The following ERBB4 variants were observed in gnomAD, a reference collection of about 807,000 sequenced individuals.
ERBB4 encodes receptor tyrosine-protein kinase erbB-4.
Under a neutral mutation model 158.0 loss-of-function variants are expected in ERBB4, and 42 were observed. The observed-to-expected ratio is 0.27, with a 90% CI of 0.21 to 0.34. The LOEUF (loss-of-function observed/expected upper bound fraction) is 0.34. ERBB4 is among the 10% of genes least tolerant of loss of function. The pLI, the probability that ERBB4 is intolerant of heterozygous loss-of-function variation, is 1.00. For synonymous variants in ERBB4, 583 were observed against 558.7 expected (o/e 1.04, Z -0.61); for missense variants, 1,333 against 1,624.1 (o/e 0.82, Z 3.08).
In ERBB4 at chr2:211,587,696, A is replaced by T. The variant is rs377276405; in HGVS notation, c.2302-25608T>A. On this transcript the variant is annotated intron_variant, in intron 19 of 27. Transcript: ENST00000342788. ...TTGTCACTTTTTAAATTGGAAGAAG[A>T]TCCTAAGATTTGATAATGACCTATC... Among the ~76,000 whole-genome samples, 363 of 152,316 alleles carry T rather than the reference A, an allele frequency of 2.4e-3. 7 individuals are homozygous for T. The South Asian group carries it at 0.045, about 19-fold the overall frequency.
chr2:211,929,976 T>C (rs2080129084), intron 3 of ERBB4, among the ~76,000 whole-genome samples: 1 of 152,212 alleles, frequency 6.6e-6, no homozygotes, highest in African/African-American at 2.4e-5. Flanking sequence ...TTTTGCTCAG[T>C]TCCAGGTATG....
intron 20 of ERBB4, among the ~76,000 whole-genome samples, chr2:211,517,832 A>G (rs2066079001): frequency 6.6e-6 from 1 of 152,176 alleles, no homozygotes; most frequent in Non-Finnish European, 1.5e-5. Context: ...TAGAGGAGGT[A>G]GATTTTATTT....
intron 3 of ERBB4, among the ~76,000 whole-genome samples, chr2:211,937,478 T>C (rs1270194678): frequency 6.6e-6 from 1 of 152,120 alleles, no homozygotes; most frequent in Non-Finnish European, 1.5e-5. Flanking sequence ...ATAGACTTTT[T>C]CTATTAGTCC....
Position 211,875,096 on chromosome 2 carries a change from G to GTT in ERBB4, c.421+72332_421+72333dup, listed in dbSNP as rs71054147. Among the ~76,000 whole-genome samples, 352 of 129,384 alleles carry GTT rather than the reference G, an allele frequency of 2.7e-3. 1 individual carries two copies. Among genetic ancestry groups the GTT allele is most frequent in the African/African-American group, 8.1e-3 (277 of 34,254 alleles). 84.9% of individuals were successfully genotyped at this position (129,384 alleles called of 152,430 possible). Reference sequence around the variant, plus strand: ...TTAATCTAAGGAACATGCAGATAACGTTTTTTTTTTTCCAAAGCAGACATA... The same window carrying GTT: ...TTAATCTAAGGAACATGCAGATAACGTTTTTTTTTTTTTCCAAAGCAGACATA... On this transcript the variant is annotated intron_variant, in intron 3 of 27. Coordinates refer to ENST00000342788, the MANE Select transcript of ERBB4 (RefSeq NM_005235.3).
intron 3 of ERBB4, among the ~76,000 whole-genome samples, chr2:211,944,713 C>T (rs1461078028): frequency 6.6e-6 from 1 of 151,734 alleles, no homozygotes; most frequent in Non-Finnish European, 1.5e-5. Flanking sequence ...TAGATCTTCT[C>T]AAATTGTAGT....
chr2:211,452,631 A>AACCTCT (rs2064278221), intron 20 of ERBB4, among the ~76,000 whole-genome samples: 2 of 152,212 alleles, frequency 1.3e-5, no homozygotes, highest in African/African-American at 2.4e-5. Context: ...CAACTATCTC[A>AACCTCT]ACCTCTATCA....
intron 20 of ERBB4, among the ~76,000 whole-genome samples, chr2:211,539,788 T>C (rs938379892): frequency 1.4e-4 from 22 of 152,006 alleles, no homozygotes; most frequent in African/African-American, 5.3e-4. Flanking sequence ...GGGAGGTTTT[T>C]TTATGTTCAT....
At chr2:211,480,776 G>A (rs2065063219) in intron 20 of ERBB4, among the ~76,000 whole-genome samples, 1 of 152,034 alleles carries the variant, frequency 6.6e-6, no homozygotes, top group East Asian at 1.9e-4. Context: ...GAAATGTTTT[G>A]TTTATCTCTG....
chr2:212,133,104 TTC>T (rs1406313336), intron 1 of ERBB4, among the ~76,000 whole-genome samples: 3 of 152,120 alleles, frequency 2.0e-5, no homozygotes, highest in African/African-American at 7.2e-5. Flanking sequence ...AATTTTTTGG[TTC>T]TGTTTCTCTG....
At chr2:211,972,455 A>C (rs2081482118) in intron 2 of ERBB4, among the ~76,000 whole-genome samples, 1 of 152,218 alleles carries the variant, frequency 6.6e-6, no homozygotes, top group African/African-American at 2.4e-5. Context: ...GGCAATCCTA[A>C]GCAAAAAGAA....
intron 2 of ERBB4, among the ~76,000 whole-genome samples, chr2:212,094,211 G>A (rs1404084420): frequency 6.6e-6 from 1 of 151,406 alleles, no homozygotes; most frequent in Non-Finnish European, 1.5e-5. Context: ...ATGAGTTCAT[G>A]TGAGATAAGG....
intron 1 of ERBB4, among the ~76,000 whole-genome samples, chr2:212,185,367 A>G (rs2081987886): frequency 6.6e-6 from 1 of 151,798 alleles, no homozygotes; most frequent in African/African-American, 2.4e-5. Flanking sequence ...AGACCTCAGA[A>G]AAAGAAAAAA....
At chr2:211,530,852 G>T (rs1283904249) in intron 20 of ERBB4, among the ~76,000 whole-genome samples, 1 of 152,080 alleles carries the variant, frequency 6.6e-6, no homozygotes, top group East Asian at 1.9e-4. Flanking sequence ...TCATGCCACT[G>T]TACTCAGCCT....
intron 1 of ERBB4, among the ~76,000 whole-genome samples, chr2:212,284,064 G>A (rs17346615): frequency 0.043 from 6,558 of 152,054 alleles, 209 homozygotes; most frequent in Non-Finnish European, 0.061. Context: ...ACTATGTGAA[G>A]AGAATGCTAT....
chr2:212,248,596 G>A (rs1018503394), intron 1 of ERBB4, among the ~76,000 whole-genome samples: 5 of 152,118 alleles, frequency 3.3e-5, no homozygotes, highest in Admixed American at 2.6e-4. Flanking sequence ...CAATCTTGGA[G>A]TTATCCTACC....
intron 1 of ERBB4, among the ~76,000 whole-genome samples, chr2:212,273,684 A>G (rs1461609952): frequency 6.6e-6 from 1 of 151,862 alleles, no homozygotes; most frequent in South Asian, 2.1e-4. Flanking sequence ...TGTCAGAGGT[A>G]AAGTATTATA....
chr2:211,860,092 A>G (rs976077127), intron 3 of ERBB4, among the ~76,000 whole-genome samples: 21 of 152,180 alleles, frequency 1.4e-4, no homozygotes, highest in Non-Finnish European at 2.5e-4. Context: ...GTCAAAATCA[A>G]TTTAATTCTG....
At chr2:212,275,082 T>C (rs951828230) in intron 1 of ERBB4, among the ~76,000 whole-genome samples, 1 of 151,978 alleles carries the variant, frequency 6.6e-6, no homozygotes. Context: ...TTCATCCATG[T>C]CCCTGCAAAG....
chr2:211,829,873 A>G (rs1024271979), intron 3 of ERBB4, among the ~76,000 whole-genome samples: 1 of 152,212 alleles, frequency 6.6e-6, no homozygotes, highest in Non-Finnish European at 1.5e-5. Flanking sequence ...ATAAAAAATT[A>G]TAAATGACAT....
Sources: allele counts gnomAD v4.1 joint callset (sites outside exome capture counted in the v4.1 genomes callset), GRCh38; gene constraint gnomAD v4.1.1; transcripts MANE v1.5; gene names NCBI Gene and HGNC (gene_info 2026-07-23, HGNC 2026-07-21).